FADS3: variants seen among roughly 807,000 people sequenced by gnomAD.
FADS3 encodes fatty acid desaturase 3.
A neutral mutation model predicts 60.4 loss-of-function variants in FADS3; 30 were observed. The ratio of observed to expected loss-of-function variants is 0.50; its 90% CI spans 0.37 to 0.67. The LOEUF is 0.67. FADS3 is among the 30% of genes least tolerant of loss of function. The probability of loss-of-function intolerance (pLI) is 0.00; values close to 1 mark genes in which losing one functional copy is unlikely to be tolerated. For missense variants in FADS3, 432 were observed against 598.3 expected (o/e 0.72, Z 2.90); for synonymous variants, 234 against 249.3 (o/e 0.94, Z 0.58).
At chr11:61,880,309 C>G (rs1175388351) in intron 1 of FADS3, 158 bp from the exon 2 acceptor site, 1 of 579,216 alleles carries the variant, frequency 1.7e-6, no homozygotes, top group African/African-American at 1.9e-5. Context: ...GACATGGGCC[C>G]TCCCTGGTCC....
rs966036117 is a variant in FADS3 at position 61,877,741 on chromosome 11, T to C, written c.809-154A>G. On this transcript the variant is annotated intron_variant, in intron 6 of 11. Coordinates refer to ENST00000278829, the MANE Select transcript of FADS3 (RefSeq NM_021727.5). This position sits in a 1 kb window ranked among gnomAD's most constrained non-coding sequence, Gnocchi z 4.7. ...TGACCCCATATCACCCCCAATTCTGTGTCCAAGCCTCCCCAGGCTGCCCTT... is the reference window on the plus strand; with the variant it reads ...TGACCCCATATCACCCCCAATTCTGCGTCCAAGCCTCCCCAGGCTGCCCTT... The C allele has an allele frequency of 3.0e-5, 21 of 689,048 alleles. No individual in the cohort carries two copies. Among genetic ancestry groups the C allele is most frequent in the Non-Finnish European group, 4.2e-5 (17 of 401,318 alleles). 42.7% of individuals were successfully genotyped at this position (689,048 alleles called of 1,614,324 possible).
rs1218329614 is a variant in FADS3 at position 61,880,089 on chromosome 11, C to T, written c.276G>A (p.Leu92=). The change falls in exon 2 of 12, where the codon TTG becomes TTA. Residue 92 remains leucine, a synonymous_variant. Transcript: ENST00000278829. ...GTTCTTCCGGAGCCAGCTCTCCAAT[C>T]AACAGGGGCTGTAGGAACTTGCGCA... The part of the protein sequence containing the change: ...NFVRKFLQPL[L]IGELAPEEPS... 1 of 1,614,162 alleles carries T rather than the reference C, an allele frequency of 6.2e-7. No homozygotes were observed. The highest frequency in any genetic ancestry group is 1.3e-5 in the African/African-American group (1 of 75,052).
At position 61,877,151 on chromosome 11, in the gene FADS3, T is replaced by G; in HGVS notation, c.886-188A>C. On this transcript the variant is annotated intron_variant, in intron 7 of 11. Coordinates refer to ENST00000278829, the MANE Select transcript of FADS3 (RefSeq NM_021727.5). The surrounding 1 kb of genome is among the most constrained non-coding windows in gnomAD (Gnocchi z 4.7). ...GGAACAGGGTCCTTGCCCTGCCAGCTCACGAGGCTGATTTTAGTGACGAAG... is the reference window on the plus strand; with the variant it reads ...GGAACAGGGTCCTTGCCCTGCCAGCGCACGAGGCTGATTTTAGTGACGAAG... The G allele has an allele frequency of 8.9e-6, 5 of 560,088 alleles. No individual in the cohort carries two copies. Among genetic ancestry groups the G allele is most frequent in the Non-Finnish European group, 1.6e-5 (5 of 313,758 alleles). 34.7% of individuals were successfully genotyped at this position (560,088 alleles called of 1,614,324 possible). A position where few individuals can be genotyped will look rare whatever the true frequency, so the allele number is the denominator to read the frequency against.
chr11:61,878,004 A>G (rs554341567), intron 6 of FADS3, 151 bp downstream of exon 6: 24 of 727,902 alleles, frequency 3.3e-5, no homozygotes, highest in Admixed American at 2.6e-4. Flanking sequence ...GAGAGTGTGT[A>G]CAGACTGCAG....
intron 1 of FADS3, 106 bp from the exon 2 acceptor site, chr11:61,880,257 C>G: frequency 1.2e-6 from 1 of 836,530 alleles, no homozygotes; most frequent in East Asian, 2.6e-5. Flanking sequence ...GCAGAGCAGA[C>G]GACAGGCGGA....
intron 11 of FADS3, among the ~76,000 whole-genome samples, chr11:61,875,647 G>A (rs1267672812): frequency 2.6e-5 from 4 of 152,168 alleles, no homozygotes; most frequent in South Asian, 2.1e-4. Flanking sequence ...CCTGCTCACC[G>A]CAGGCACTGC....
chr11:61,877,346 G>T lies in FADS3; in HGVS notation c.885+165C>A. ...CAGTCACGGGCACACTCGCTCTCCT[G>T]CTGCGCGCACACATGTGAGCCACAC... is the stretch of plus-strand genomic sequence containing the variant. On this transcript the variant is annotated intron_variant, in intron 7 of 11. Coordinates refer to ENST00000278829, the MANE Select transcript of FADS3 (RefSeq NM_021727.5). The surrounding 1 kb of genome is among the most constrained non-coding windows in gnomAD (Gnocchi z 4.7). The T allele has an allele frequency of 1.6e-6, 1 of 608,692 alleles. No individual in the cohort carries two copies. Among genetic ancestry groups the T allele is most frequent in the Non-Finnish European group, 2.9e-6 (1 of 349,522 alleles). The allele number at this position is 608,692 out of a possible 1,614,324, so 37.7% of individuals were successfully genotyped here.
Position 61,877,351 on chromosome 11 carries a change from G to T in FADS3, c.885+160C>A. On this transcript the variant is annotated intron_variant, in intron 7 of 11. Transcript: ENST00000278829. This position sits in a 1 kb window ranked among gnomAD's most constrained non-coding sequence, Gnocchi z 4.7. Reference sequence around the variant, plus strand: ...ACGGGCACACTCGCTCTCCTGCTGCGCGCACACATGTGAGCCACACTGTTG... The same window carrying T: ...ACGGGCACACTCGCTCTCCTGCTGCTCGCACACATGTGAGCCACACTGTTG... 1 of 620,396 alleles carries T rather than the reference G, an allele frequency of 1.6e-6. No homozygotes were observed. The highest frequency in any genetic ancestry group is 2.8e-6 in the Non-Finnish European group (1 of 357,402). 38.4% of individuals were successfully genotyped at this position (620,396 alleles called of 1,614,324 possible). A position where few individuals can be genotyped will look rare whatever the true frequency, so the allele number is the denominator to read the frequency against.
intron 1 of FADS3, among the ~76,000 whole-genome samples, chr11:61,885,299 G>A (rs1036917765): frequency 6.6e-6 from 1 of 152,144 alleles, no homozygotes; most frequent in African/African-American, 2.4e-5. Flanking sequence ...CAGGAGCCAG[G>A]GAGCCCCAGA....
At position 61,876,215 on chromosome 11, in the gene FADS3, GT is replaced by G; in HGVS notation, c.1081-26del. ...GCTGCCGGAAGCCGGCGGGGCACAT[GT>G]GAGGAGGCCGTTGCAGATCCCTGAC... On this transcript the variant is annotated intron_variant, in intron 9 of 11. Transcript: ENST00000278829. The surrounding 1 kb of genome is among the most constrained non-coding windows in gnomAD (Gnocchi z 5.7). 1 of 1,586,824 alleles carries G rather than the reference GT, an allele frequency of 6.3e-7. No individual in the cohort carries two copies. Among genetic ancestry groups the G allele is most frequent in the Non-Finnish European group, 8.6e-7 (1 of 1,167,136 alleles).
At chr11:61,890,904 G>A (rs2136004522) in intron 1 of FADS3, among the ~76,000 whole-genome samples, 1 of 152,304 alleles carries the variant, frequency 6.6e-6, no homozygotes, top group East Asian at 1.9e-4. Flanking sequence ...AGGCTCTGCA[G>A]CATGACACAC....
At chr11:61,889,866 T>C (rs1938438175) in intron 1 of FADS3, among the ~76,000 whole-genome samples, 1 of 152,166 alleles carries the variant, frequency 6.6e-6, no homozygotes, top group South Asian at 2.1e-4. Flanking sequence ...AAATAGATAC[T>C]TTTTTAGAAA....
chr11:61,878,311 G>T, intron 5 of FADS3, 96 bp from the exon 6 acceptor site: 1 of 1,433,628 alleles, frequency 7.0e-7, no homozygotes. Context: ...AGGGTCAAAG[G>T]CAACTCTAGA....
At chr11:61,883,400 G>A (rs1179554054) in intron 1 of FADS3, among the ~76,000 whole-genome samples, 1 of 152,130 alleles carries the variant, frequency 6.6e-6, no homozygotes, top group Non-Finnish European at 1.5e-5. Flanking sequence ...TTTTAAGGCT[G>A]AGCCAGCGTG....
Position 61,878,791 on chromosome 11 carries a change from G to C in FADS3, c.579C>G (p.Ser193=). 1 of 1,614,222 alleles carries C rather than the reference G, an allele frequency of 6.2e-7. No homozygotes were observed. Among genetic ancestry groups the C allele is most frequent in the South Asian group, 1.1e-5 (1 of 91,090 alleles). Residue 193 remains serine, a synonymous_variant, in exon 4 of 12, where the codon TCC becomes TCG. Transcript: ENST00000278829. Reference sequence around the variant, plus strand: ...ACTTCTGGGCCACGTGGTTCCACCAGGACTTCTTGAAGATGGAGGCATGGC... The same window carrying C: ...ACTTCTGGGCCACGTGGTTCCACCACGACTTCTTGAAGATGGAGGCATGGC... ...DLGHASIFKK[S]WWNHVAQKFV... is the part of the protein sequence containing the mutation.
Position 61,877,387 on chromosome 11 carries a change from T to C in FADS3, c.885+124A>G. ...TGAGCCACACTGTTGCACGCATACA[T>C]GTGAGCCACACTGTTGCACGCACAT... On this transcript the variant is annotated intron_variant, in intron 7 of 11. Coordinates refer to ENST00000278829, the MANE Select transcript of FADS3 (RefSeq NM_021727.5). The surrounding 1 kb of genome is among the most constrained non-coding windows in gnomAD (Gnocchi z 4.7). The C allele has an allele frequency of 1.3e-6, 1 of 780,962 alleles. No individual in the cohort carries two copies. The highest frequency in any genetic ancestry group is 1.8e-5 in the African/African-American group (1 of 57,124). 48.4% of individuals were successfully genotyped at this position (780,962 alleles called of 1,614,324 possible).
At position 61,873,977 on chromosome 11, in the gene FADS3, T is replaced by C. The variant is rs999407365; in HGVS notation, c.1287-112A>G. The C allele has an allele frequency of 4.4e-6, 3 of 676,570 alleles. No homozygotes were observed. In the African/African-American group the frequency reaches 5.5e-5, roughly 12 times the overall value. The allele number at this position is 676,570 out of a possible 1,614,324, so 41.9% of individuals were successfully genotyped here. A position where few individuals can be genotyped will look rare whatever the true frequency, so the allele number is the denominator to read the frequency against. ...AGCGGAGATCCCCATTCCCTGTGGG[T>C]TCCCTTCCCTGGGGGCAGGCAGCGA... is the stretch of plus-strand genomic sequence containing the variant. On this transcript the variant is annotated intron_variant, in intron 11 of 11. Coordinates refer to ENST00000278829, the MANE Select transcript of FADS3 (RefSeq NM_021727.5).
chr11:61,887,553 T>C (rs533177108), intron 1 of FADS3, among the ~76,000 whole-genome samples: 24 of 152,300 alleles, frequency 1.6e-4, no homozygotes, highest in African/African-American at 5.5e-4. Flanking sequence ...CGGCCGCCTC[T>C]AGACCTCACT....
intron 1 of FADS3, among the ~76,000 whole-genome samples, chr11:61,889,872 A>T (rs1192393459): frequency 2.6e-5 from 4 of 152,122 alleles, no homozygotes; most frequent in Admixed American, 6.5e-5. Context: ...ATACTTTTTT[A>T]GAAAAAGACC....
Sources: gnomAD v4.1 joint callset for allele counts (sites outside exome capture counted in the v4.1 genomes callset) on GRCh38, gnomAD v4.1.1 for gene constraint, Gnocchi (gnomAD v3.1) non-coding constraint, MANE v1.5 for transcripts, NCBI Gene and HGNC (gene_info 2026-07-23, HGNC 2026-07-21) for gene names.